Variants in PCDHGA1 observed in about 807,000 individuals in gnomAD.
PCDHGA1 encodes protocadherin gamma-A1.
A neutral mutation model predicts 58.0 loss-of-function variants in PCDHGA1; 32 were observed. The ratio of observed to expected loss-of-function variants is 0.55; its 90% CI spans 0.42 to 0.74. The LOEUF is 0.74. Ranked by LOEUF, PCDHGA1 falls within the 30% of genes least tolerant of loss-of-function variation. The pLI, the probability that PCDHGA1 is intolerant of heterozygous loss-of-function variation, is 0.00. For missense variants in PCDHGA1, 1,205 were observed against 1,182.3 expected (o/e 1.02, Z -0.28); for synonymous variants, 498 against 501.1 (o/e 0.99, Z 0.08).
At chr5:141,398,621 ACT>A in intron 1 of PCDHGA1, 3 of 1,613,968 alleles carry the variant, frequency 1.9e-6, no homozygotes, top group Non-Finnish European at 2.5e-6. Flanking sequence ...ATTGGCTTAA[ACT>A]CTCTGCAGAA....
intron 1 of PCDHGA1, chr5:141,355,056 T>A (rs1323351073): frequency 1.6e-6 from 2 of 1,231,662 alleles, no homozygotes; most frequent in Non-Finnish European, 2.2e-6. Flanking sequence ...AAGCACTGGC[T>A]CTGGAGCTTT....
chr5:141,337,933 C>T (rs959605982), intron 1 of PCDHGA1, among the ~76,000 whole-genome samples: 1 of 152,180 alleles, frequency 6.6e-6, no homozygotes, highest in Non-Finnish European at 1.5e-5. Flanking sequence ...ATCAAATAGA[C>T]CTGCTTTCTG....
At chr5:141,345,403 A>C (rs765536100) in intron 1 of PCDHGA1, 13 of 1,613,628 alleles carry the variant, frequency 8.1e-6, no homozygotes, top group East Asian at 2.2e-5. Flanking sequence ...CATTTATCCT[A>C]CTCCGCCTAC....
At chr5:141,367,424 C>A (rs1368988996) in intron 1 of PCDHGA1, 1 of 152,184 alleles carries the variant, frequency 6.6e-6, no homozygotes, top group Non-Finnish European at 1.5e-5. Context: ...GTAGTCCCAG[C>A]TACTCGGAAG....
chr5:141,465,490 G>A (rs917234604), intron 1 of PCDHGA1, among the ~76,000 whole-genome samples: 9 of 152,170 alleles, frequency 5.9e-5, no homozygotes, highest in East Asian at 1.9e-4. Flanking sequence ...AGGAATGAGC[G>A]GGAGCATTGT....
At chr5:141,375,622 TCTGTACGCC>T in intron 1 of PCDHGA1, 1 of 1,614,200 alleles carries the variant, frequency 6.2e-7, no homozygotes. Flanking sequence ...ACACTGGGAT[TCTGTACGCC>T]CTGCGCTCCT....
chr5:141,402,845 C>T (rs1273253699), intron 1 of PCDHGA1: 3 of 1,405,122 alleles, frequency 2.1e-6, no homozygotes, highest in Non-Finnish European at 2.8e-6. Flanking sequence ...AAAACTCAGC[C>T]TCTTTCTTCT....
chr5:141,480,224 T>G (rs2099514647), intron 1 of PCDHGA1, among the ~76,000 whole-genome samples: 1 of 146,584 alleles, frequency 6.8e-6, no homozygotes, highest in Non-Finnish European at 1.5e-5. Context: ...AGCGACATAG[T>G]GAGATCCTGT....
intron 1 of PCDHGA1, among the ~76,000 whole-genome samples, chr5:141,458,065 GA>G (rs541812590): frequency 3.5e-3 from 534 of 152,242 alleles, no homozygotes; most frequent in Middle Eastern, 6.8e-3. Context: ...GCACTGATGC[GA>G]ACAACTATAT....
rs752401867 is a variant in PCDHGA1, at chr5:141,511,224, G to A, written c.*51G>A. On this transcript the variant is annotated 3_prime_UTR_variant, in exon 4 of 4. Transcript: ENST00000517417. ...GGGCGGCCTCTCCCCAACCAGCCCA[G>A]CTTCTCCTTACCTGCACCCAGGCCT... 1.2e-6 allele frequency: 2 copies of A among 1,603,276 alleles called. No homozygotes were observed.
chr5:141,361,618 G>C, intron 1 of PCDHGA1: 1 of 1,613,956 alleles, frequency 6.2e-7, no homozygotes, highest in Non-Finnish European at 8.5e-7. Context: ...CGTAGCGAGC[G>C]ACCTGAAGCC....
chr5:141,471,036 C>A (rs1437409726), intron 1 of PCDHGA1, among the ~76,000 whole-genome samples: 1 of 144,908 alleles, frequency 6.9e-6, no homozygotes, highest in Admixed American at 7.0e-5. Context: ...TATTAACAAG[C>A]CCAAGCCCTC....
intron 1 of PCDHGA1, chr5:141,421,581 C>T (rs2096585155): frequency 2.5e-6 from 4 of 1,613,712 alleles, no homozygotes; most frequent in Admixed American, 1.7e-5. Flanking sequence ...TGAAGATTTA[C>T]GGAGTGGAGG....
Position 141,393,354 on chromosome 5 carries a change from G to A in PCDHGA1, c.2421+60249G>A, listed in dbSNP as rs781276983. The A allele has an allele frequency of 2.4e-5, 39 of 1,613,824 alleles. No homozygotes were observed. The East Asian group carries it at 4.5e-4, about 18-fold the overall frequency. ...CAGCCCCAATCACCACTTCTCCCTG[G>A]ACGTGCAGACTGGAGACAATGGAGC... On this transcript the variant is annotated intron_variant, in intron 1 of 3. Coordinates refer to ENST00000517417, the MANE Select transcript of PCDHGA1 (RefSeq NM_018912.3).
chr5:141,511,082 C>T lies in PCDHGA1; in HGVS notation c.2705C>T (p.Thr902Ile). Residue 902 changes from threonine to isoleucine, a missense_variant, in exon 4 of 4, where the codon ACA (threonine) becomes ATA (isoleucine). By Grantham distance (89) the Thr-to-Ile change is moderately conservative. Transcript: ENST00000517417. ...QNVYIPGSNA[T>I]LTNAAGKRDG... ...GTCTACATCCCAGGCAGCAATGCCA[C>T]ACTGACCAACGCAGCTGGCAAGCGG... 1 of 1,614,224 alleles carries T rather than the reference C, an allele frequency of 6.2e-7. No individual in the cohort carries two copies. Among genetic ancestry groups the T allele is most frequent in the Non-Finnish European group, 8.5e-7 (1 of 1,180,028 alleles).
At chr5:141,405,555 G>C in intron 1 of PCDHGA1, 1 of 620,228 alleles carries the variant, frequency 1.6e-6, no homozygotes, top group Non-Finnish European at 2.8e-6. Context: ...AAGTAGAGTA[G>C]CTGGGACTAG....
rs750216656 is a variant in PCDHGA1 at position 141,422,121 on chromosome 5, A to G, written c.2422-72686A>G. 4.4e-6 allele frequency: 7 copies of G among 1,602,838 alleles called. No individual in the cohort carries two copies. In the Admixed American group the frequency reaches 8.8e-5, roughly 20 times the overall value. On this transcript the variant is annotated intron_variant, in intron 1 of 3. Coordinates refer to ENST00000517417, the MANE Select transcript of PCDHGA1 (RefSeq NM_018912.3). ...CTGAAATATTCCAATTGGATTCACA[A>G]ACTGGAGAAGTTCAAGTACGGGGGT...
chr5:141,425,881 A>C (rs911454948), intron 1 of PCDHGA1, among the ~76,000 whole-genome samples: 1 of 152,230 alleles, frequency 6.6e-6, no homozygotes, highest in African/African-American at 2.4e-5. Context: ...TCTCTAAGGA[A>C]TCTTCTTTGG....
At chr5:141,355,112 A>C (rs1371168297) in intron 1 of PCDHGA1, 6 of 1,509,972 alleles carry the variant, frequency 4.0e-6, no homozygotes, top group Non-Finnish European at 4.4e-6. Context: ...CTGTGAATGC[A>C]CTTTATTTTG....
Sources: allele counts gnomAD v4.1 joint callset (sites outside exome capture counted in the v4.1 genomes callset), GRCh38; gene constraint gnomAD v4.1.1; transcripts MANE v1.5; gene names NCBI Gene and HGNC (gene_info 2026-07-23, HGNC 2026-07-21).